METTL24: variants seen among roughly 807,000 people sequenced by gnomAD.
METTL24 encodes the protein probable methyltransferase-like protein 24.
Under a neutral mutation model 32.7 loss-of-function variants are expected in METTL24, and 29 were observed. The observed-to-expected ratio is 0.89, with a 90% CI of 0.66 to 1.21. The LOEUF (loss-of-function observed/expected upper bound fraction) is 1.21. Among genes scored for constraint, METTL24 ranks in the 50% most tolerant of loss-of-function variants. The probability of loss-of-function intolerance (pLI) is 0.00; values close to 1 mark genes in which losing one functional copy is unlikely to be tolerated. For synonymous variants in METTL24, 163 were observed against 179.5 expected (o/e 0.91, Z 0.73); for missense variants, 439 against 468.1 (o/e 0.94, Z 0.57).
intron 1 of METTL24, among the ~76,000 whole-genome samples, chr6:110,327,583 A>C (rs1313890166): frequency 6.6e-6 from 1 of 152,214 alleles, no homozygotes; most frequent in Non-Finnish European, 1.5e-5. Flanking sequence ...CATTTCACAT[A>C]AAGCAATGTT....
At chr6:110,296,926 A>G (rs927442303) in intron 4 of METTL24, among the ~76,000 whole-genome samples, 1 of 152,228 alleles carries the variant, frequency 6.6e-6, no homozygotes, top group Admixed American at 6.5e-5. Context: ...CTAGCCCCGC[A>G]TAGCTCCTAG....
chr6:110,333,381 A>C (rs1772144970), intron 1 of METTL24, among the ~76,000 whole-genome samples: 1 of 152,114 alleles, frequency 6.6e-6, no homozygotes, highest in Non-Finnish European at 1.5e-5. Flanking sequence ...TTGTCTGTCG[A>C]TATTTGTAAA....
rs192769921 is a variant in METTL24, at chr6:110,356,147, A to G, written c.318+1808T>C. Among the ~76,000 whole-genome samples the G allele has an allele frequency of 1.1e-3, 162 of 152,360 alleles. 2 individuals carry two copies. Among genetic ancestry groups the G allele is most frequent in the Admixed American group, 4.6e-3 (71 of 15,304 alleles). ...GAATAAAAGAAGCCCCACTCTTAAG[A>G]AACATCACAGTGTTGGCCAGGCGCA... is the stretch of plus-strand genomic sequence containing the variant. On this transcript the variant is annotated intron_variant, in intron 1 of 4. Coordinates refer to ENST00000338882, the MANE Select transcript of METTL24 (RefSeq NM_001123364.3).
intron 1 of METTL24, among the ~76,000 whole-genome samples, chr6:110,339,669 A>C (rs966231020): frequency 2.6e-5 from 4 of 152,218 alleles, no homozygotes; most frequent in African/African-American, 9.6e-5. Context: ...TGGCAAACAA[A>C]TGTACACGTA....
chr6:110,299,918 A>AT (rs1438868038), intron 3 of METTL24, among the ~76,000 whole-genome samples: 2 of 152,110 alleles, frequency 1.3e-5, no homozygotes, highest in Non-Finnish European at 2.9e-5. Flanking sequence ...ACTGAGAATG[A>AT]TTTTTTTAAT....
At chr6:110,273,889 A>G (rs1281542810) in intron 4 of METTL24, among the ~76,000 whole-genome samples, 2 of 152,208 alleles carry the variant, frequency 1.3e-5, no homozygotes, top group Non-Finnish European at 2.9e-5. Flanking sequence ...ACCCAAAGGA[A>G]TAGAAGTTAT....
chr6:110,263,267 CA>C (rs1330907881), intron 4 of METTL24, among the ~76,000 whole-genome samples: 1 of 152,144 alleles, frequency 6.6e-6, no homozygotes, highest in African/African-American at 2.4e-5. Flanking sequence ...GCAACTTCAG[CA>C]AAGTCTCAGG....
chr6:110,304,973 C>T (rs2114738045), intron 3 of METTL24, among the ~76,000 whole-genome samples: 1 of 152,286 alleles, frequency 6.6e-6, no homozygotes, highest in East Asian at 1.9e-4. Flanking sequence ...CTGCAGAAAC[C>T]CTACAAGCTA....
At chr6:110,269,678 T>A (rs1770919847) in intron 4 of METTL24, among the ~76,000 whole-genome samples, 1 of 152,200 alleles carries the variant, frequency 6.6e-6, no homozygotes, top group Non-Finnish European at 1.5e-5. Flanking sequence ...GTTTTTCATG[T>A]TTCATAACAT....
At chr6:110,264,598 T>C (rs1770817846) in intron 4 of METTL24, among the ~76,000 whole-genome samples, 1 of 152,164 alleles carries the variant, frequency 6.6e-6, no homozygotes, top group South Asian at 2.1e-4. Flanking sequence ...GAAATACCAT[T>C]TGACCCAGCC....
chr6:110,265,885 T>TTCC (rs762221168), intron 4 of METTL24, among the ~76,000 whole-genome samples: 4 of 151,538 alleles, frequency 2.6e-5, no homozygotes, highest in South Asian at 2.1e-4. Context: ...CTTCTTCCTC[T>TTCC]TCCTCCTCCT....
chr6:110,258,286 A>G (rs1321515350), intron 4 of METTL24, among the ~76,000 whole-genome samples: 5 of 152,236 alleles, frequency 3.3e-5, no homozygotes, highest in African/African-American at 9.6e-5. Context: ...TACAAGAAAT[A>G]TACAGAAGTA....
chr6:110,253,586 T>C (rs1192880455), intron 4 of METTL24, among the ~76,000 whole-genome samples: 1 of 152,186 alleles, frequency 6.6e-6, no homozygotes, highest in Non-Finnish European at 1.5e-5. Context: ...AAGCAATACA[T>C]GGTCATTATT....
intron 1 of METTL24, among the ~76,000 whole-genome samples, chr6:110,356,859 C>T (rs1249146610): frequency 6.6e-6 from 1 of 152,164 alleles, no homozygotes; most frequent in Non-Finnish European, 1.5e-5. Context: ...CAAGGAACAG[C>T]AGTGGTGTGG....
chr6:110,283,609 G>A (rs764604649), intron 4 of METTL24, among the ~76,000 whole-genome samples: 3 of 152,152 alleles, frequency 2.0e-5, no homozygotes, highest in Admixed American at 6.5e-5. Flanking sequence ...TATGGGAACC[G>A]ATGACAGCTG....
At chr6:110,331,249 G>T (rs2114761739) in intron 1 of METTL24, among the ~76,000 whole-genome samples, 1 of 152,244 alleles carries the variant, frequency 6.6e-6, no homozygotes, top group East Asian at 1.9e-4. Flanking sequence ...ATTATTGTGG[G>T]CAGGGGGGAA....
At chr6:110,265,675 G>A (rs1241700044) in intron 4 of METTL24, among the ~76,000 whole-genome samples, 2 of 152,122 alleles carry the variant, frequency 1.3e-5, no homozygotes, top group Non-Finnish European at 2.9e-5. Flanking sequence ...AGCTCCAGCA[G>A]TAATATTGAA....
intron 4 of METTL24, among the ~76,000 whole-genome samples, chr6:110,264,569 C>T (rs1770817103): frequency 6.6e-6 from 1 of 152,180 alleles, no homozygotes; most frequent in Non-Finnish European, 1.5e-5. Context: ...TGTGGCAATT[C>T]CTCAGGGATC....
intron 1 of METTL24, among the ~76,000 whole-genome samples, chr6:110,339,662 C>T (rs1020125640): frequency 2.0e-5 from 3 of 152,156 alleles, no homozygotes; most frequent in Non-Finnish European, 4.4e-5. Flanking sequence ...AAAAGATTGG[C>T]AAACAAATGT....
Sources: allele counts gnomAD v4.1 joint callset (sites outside exome capture counted in the v4.1 genomes callset), GRCh38; gene constraint gnomAD v4.1.1; transcripts MANE v1.5; gene names NCBI Gene and HGNC (gene_info 2026-07-23, HGNC 2026-07-21).